Variants in NRXN3 observed in about 807,000 individuals in gnomAD.
The protein encoded by NRXN3 is neurexin III.
NRXN3 carries 32 observed loss-of-function variants against 137.6 expected under a neutral mutation model. That is an observed-to-expected ratio of 0.23 (90% CI 0.18 to 0.31). The LOEUF is 0.31. Ranked by LOEUF, NRXN3 falls within the 10% of genes least tolerant of loss-of-function variation. The pLI, the probability that NRXN3 is intolerant of heterozygous loss-of-function variation, is 1.00. For missense variants in NRXN3, 1,574 were observed against 2,062.5 expected, an observed-to-expected ratio of 0.76 and a Z score of 4.59; for synonymous variants, 798 against 784.5, an observed-to-expected ratio of 1.02 and a Z score of -0.29.
chr14:78,827,478 A>G (rs1034680076), intron 10 of NRXN3, among the ~76,000 whole-genome samples: 1 of 152,238 alleles, frequency 6.6e-6, no homozygotes, highest in Non-Finnish European at 1.5e-5. Context: ...GAATATTTTA[A>G]AGAAAAAACT....
At chr14:78,608,734 C>A (rs993190660) in intron 4 of NRXN3, among the ~76,000 whole-genome samples, 2 of 152,244 alleles carry the variant, frequency 1.3e-5, no homozygotes, top group Non-Finnish European at 1.5e-5. Flanking sequence ...AATAGCCTAG[C>A]CTGGGTCGCT....
intron 15 of NRXN3, among the ~76,000 whole-genome samples, chr14:79,085,380 T>G (rs1595795563): frequency 6.6e-6 from 1 of 152,196 alleles, no homozygotes; most frequent in East Asian, 1.9e-4. Context: ...TTGATTAAAA[T>G]CACTATTAAA....
intron 13 of NRXN3, among the ~76,000 whole-genome samples, chr14:78,967,650 A>G (rs949379140): frequency 6.6e-6 from 1 of 152,136 alleles, no homozygotes; most frequent in South Asian, 2.1e-4. Flanking sequence ...TGACAGGATG[A>G]GTGTCAAAGT....
intron 4 of NRXN3, among the ~76,000 whole-genome samples, chr14:78,560,230 A>G (rs2096774217): frequency 1.3e-5 from 2 of 152,180 alleles, no homozygotes; most frequent in South Asian, 4.1e-4. Flanking sequence ...GATGAACTAT[A>G]TGAAACTGCT....
intron 20 of NRXN3, among the ~76,000 whole-genome samples, chr14:79,808,267 T>C (rs998516168): frequency 4.9e-5 from 7 of 143,552 alleles, no homozygotes; most frequent in African/African-American, 1.8e-4. Context: ...TATATATATA[T>C]ATATATATGT....
chr14:78,207,378 A>G (rs1595909142), intron 1 of NRXN3, among the ~76,000 whole-genome samples: 1 of 151,936 alleles, frequency 6.6e-6, no homozygotes, highest in Non-Finnish European at 1.5e-5. Flanking sequence ...GCTTTTCACT[A>G]CTGTTCAAGG....
intron 15 of NRXN3, among the ~76,000 whole-genome samples, chr14:79,160,628 G>A (rs8017945): frequency 0.046 from 6,996 of 151,690 alleles, 585 homozygotes; most frequent in African/African-American, 0.16. Context: ...TTTTTTTAAC[G>A]TGACTCACGA....
chr14:78,851,169 A>G (rs143599050), intron 10 of NRXN3, among the ~76,000 whole-genome samples: 127 of 152,312 alleles, frequency 8.3e-4, no homozygotes, highest in African/African-American at 3.0e-3. Flanking sequence ...CAAAATACAC[A>G]AGTCAGAGGG....
intron 8 of NRXN3, among the ~76,000 whole-genome samples, chr14:78,781,234 G>A (rs1051770793): frequency 2.0e-5 from 3 of 152,064 alleles, no homozygotes; most frequent in Non-Finnish European, 4.4e-5. Flanking sequence ...TTCATGTGTA[G>A]TTTCATATAT....
intron 4 of NRXN3, among the ~76,000 whole-genome samples, chr14:78,368,140 A>G (rs2086255712): frequency 1.3e-5 from 2 of 152,216 alleles, no homozygotes; most frequent in South Asian, 4.1e-4. Context: ...CTTTTTACTA[A>G]ATTAGGCTGG....
chr14:78,606,244 G>A (rs2097251641), intron 4 of NRXN3, among the ~76,000 whole-genome samples: 1 of 152,176 alleles, frequency 6.6e-6, no homozygotes, highest in Non-Finnish European at 1.5e-5. Flanking sequence ...TATGCTCAAT[G>A]CATGACTCTT....
At chr14:79,079,604 G>A (rs2046553928) in intron 15 of NRXN3, among the ~76,000 whole-genome samples, 1 of 151,998 alleles carries the variant, frequency 6.6e-6, no homozygotes. Context: ...TTTGTCCAGA[G>A]ATATTCCAAA....
At chr14:79,857,881 G>A (rs1258536972) in intron 20 of NRXN3, among the ~76,000 whole-genome samples, 1 of 152,032 alleles carries the variant, frequency 6.6e-6, no homozygotes, top group Non-Finnish European at 1.5e-5. Context: ...GCATAATTTG[G>A]GCTCAGATTT....
intron 10 of NRXN3, among the ~76,000 whole-genome samples, chr14:78,878,844 C>G (rs796947569): frequency 1.3e-5 from 2 of 152,046 alleles, no homozygotes; most frequent in East Asian, 3.9e-4. Context: ...AAACATCTCT[C>G]TAATCCCACC....
chr14:79,045,219 C>G (rs768165337), intron 15 of NRXN3, among the ~76,000 whole-genome samples: 1 of 152,066 alleles, frequency 6.6e-6, no homozygotes, highest in African/African-American at 2.4e-5. Flanking sequence ...CTTTTTCTGG[C>G]GCTACCCACA....
At chr14:78,274,164 T>C (rs1167602528) in intron 2 of NRXN3, among the ~76,000 whole-genome samples, 1 of 152,236 alleles carries the variant, frequency 6.6e-6, no homozygotes, top group Non-Finnish European at 1.5e-5. Context: ...TGGTGAATGA[T>C]GGGCCCTTTC....
At chr14:79,492,417 C>G (rs2096725972) in intron 16 of NRXN3, among the ~76,000 whole-genome samples, 1 of 152,008 alleles carries the variant, frequency 6.6e-6, no homozygotes, top group Non-Finnish European at 1.5e-5. Flanking sequence ...GGGTCTCACT[C>G]TGTTGCCCAG....
At chr14:78,901,514 C>G (rs530201603) in intron 10 of NRXN3, among the ~76,000 whole-genome samples, 30 of 152,090 alleles carry the variant, frequency 2.0e-4, no homozygotes, top group African/African-American at 7.2e-4. Flanking sequence ...CTGGGTAAAA[C>G]ATAATCATTT....
chr14:79,450,873 A>T (rs2096158891), intron 15 of NRXN3, among the ~76,000 whole-genome samples: 1 of 152,000 alleles, frequency 6.6e-6, no homozygotes, highest in Admixed American at 6.5e-5. Flanking sequence ...CTCAAAAAAA[A>T]AAAAATTAAA....
Sources: allele counts gnomAD v4.1 joint callset (sites outside exome capture counted in the v4.1 genomes callset), GRCh38; gene constraint gnomAD v4.1.1; transcripts MANE v1.5; gene names NCBI Gene and HGNC (gene_info 2026-07-23, HGNC 2026-07-21).